TBC1D16: variants seen among roughly 807,000 people sequenced by gnomAD.
TBC1D16 encodes the protein TBC1 domain family member 16.
Under a neutral mutation model 74.7 loss-of-function variants are expected in TBC1D16, and 58 were observed. The observed-to-expected ratio is 0.78, with a 90% CI of 0.63 to 0.97. TBC1D16 has a LOEUF of 0.97. Ranked by LOEUF, TBC1D16 falls within the 50% of genes least tolerant of loss-of-function variation. The pLI is 0.00. For synonymous variants in TBC1D16, 493 were observed against 474.7 expected (o/e 1.04, Z -0.50); for missense variants, 1,014 against 1,079.5 (o/e 0.94, Z 0.85).
intron 1 of TBC1D16, among the ~76,000 whole-genome samples, chr17:80,031,095 T>C (rs2036760321): frequency 6.6e-6 from 1 of 152,186 alleles, no homozygotes; most frequent in African/African-American, 2.4e-5. Context: ...CTACCCATCT[T>C]CCTGGGAACC....
chr17:79,984,620 T>TGAAGGAAGGAAGGAAGGAAGGAAGGAAG (rs71287518), intron 3 of TBC1D16, among the ~76,000 whole-genome samples: 4 of 122,390 alleles, frequency 3.3e-5, no homozygotes, highest in East Asian at 2.3e-4. Context: ...AGGGAGGGAG[T>TGAAGGAAGGAAGGAAGGAAGGAAGGAAG]GAAGGAAGGA....
chr17:80,003,392 C>A (rs2035563412), intron 3 of TBC1D16, among the ~76,000 whole-genome samples: 1 of 152,218 alleles, frequency 6.6e-6, no homozygotes, highest in Admixed American at 6.5e-5. Context: ...ACGAAACACT[C>A]ACTTCCCCAG....
chr17:79,969,613 C>A (rs1291591129), intron 3 of TBC1D16, among the ~76,000 whole-genome samples: 1 of 152,088 alleles, frequency 6.6e-6, no homozygotes, highest in African/African-American at 2.4e-5. Flanking sequence ...TAACATTTGA[C>A]CAAGTAATTC....
chr17:80,033,107 A>C (rs1302551189), intron 1 of TBC1D16, among the ~76,000 whole-genome samples: 1 of 152,198 alleles, frequency 6.6e-6, no homozygotes, highest in Non-Finnish European at 1.5e-5. Context: ...AAAGCACAAA[A>C]ACAAAATGTT....
At chr17:80,029,119 A>G (rs2036687693) in intron 1 of TBC1D16, among the ~76,000 whole-genome samples, 1 of 152,200 alleles carries the variant, frequency 6.6e-6, no homozygotes, top group Non-Finnish European at 1.5e-5. Context: ...CTCTTTAAGA[A>G]TTAGAGCACC....
chr17:79,957,209 G>A (rs998472723), intron 3 of TBC1D16, among the ~76,000 whole-genome samples: 3 of 152,198 alleles, frequency 2.0e-5, no homozygotes, highest in Non-Finnish European at 2.9e-5. Flanking sequence ...GCTGTGATGG[G>A]AGAGGAGGCT....
rs2031883497 is a variant in TBC1D16 at position 79,940,531 on chromosome 17, G to C, written c.*328C>G. 1 of 230,360 alleles carries C rather than the reference G, an allele frequency of 4.3e-6. No homozygotes were observed. Among genetic ancestry groups the C allele is most frequent in the Non-Finnish European group, 8.4e-6 (1 of 118,710 alleles). The allele number at this position is 230,360 out of a possible 1,614,324, so 14.3% of individuals were successfully genotyped here. A position where few individuals can be genotyped will look rare whatever the true frequency, so the allele number is the denominator to read the frequency against. ...GGCGACGCTGTCTGGCTGCCCTCGA[G>C]GGTGGAGCAAATCCTGGGACATGTT... On this transcript the variant is annotated 3_prime_UTR_variant, in exon 12 of 12. Coordinates refer to ENST00000310924, the MANE Select transcript of TBC1D16 (RefSeq NM_019020.4). This position sits in a 1 kb window ranked among gnomAD's most constrained non-coding sequence, Gnocchi z 5.4.
chr17:80,005,373 G>A (rs2035636535), intron 3 of TBC1D16, among the ~76,000 whole-genome samples: 1 of 152,192 alleles, frequency 6.6e-6, no homozygotes, highest in Admixed American at 6.5e-5. Context: ...CAGCCCCATG[G>A]CGCCCCGTTA....
Position 79,985,200 on chromosome 17 carries a change from C to T in TBC1D16, c.779+24960G>A, listed in dbSNP as rs2034785672. On this transcript the variant is annotated intron_variant, in intron 3 of 11. Transcript: ENST00000310924. The surrounding 1 kb of genome is among the most constrained non-coding windows in gnomAD (Gnocchi z 4.9). ...TGCAGCAGCATCACTCCCATCTCTG[C>T]CTCCATCTCCCTGCCCCTCCTGTGT... Among the ~76,000 whole-genome samples, 1 of 152,152 alleles carries T rather than the reference C, an allele frequency of 6.6e-6. No homozygotes were observed. The highest frequency in any genetic ancestry group is 2.4e-5 in the African/African-American group (1 of 41,428).
intron 3 of TBC1D16, among the ~76,000 whole-genome samples, chr17:79,997,048 T>C (rs2035299767): frequency 6.6e-6 from 1 of 152,242 alleles, no homozygotes; most frequent in African/African-American, 2.4e-5. Context: ...GCTGACATCA[T>C]GCAGGGTTCC....
chr17:79,964,521 G>T (rs777966584), intron 3 of TBC1D16, among the ~76,000 whole-genome samples: 3 of 152,068 alleles, frequency 2.0e-5, no homozygotes, highest in Non-Finnish European at 4.4e-5. Context: ...TAAGACATTG[G>T]GGGGACACGA....
intron 3 of TBC1D16, among the ~76,000 whole-genome samples, chr17:79,957,062 G>A (rs564041415): frequency 6.6e-5 from 10 of 152,290 alleles, no homozygotes; most frequent in Non-Finnish European, 1.0e-4. Flanking sequence ...CTGCCAAAGC[G>A]AGTCTCTGTG....
At chr17:80,013,323 A>T in intron 2 of TBC1D16, 44 bp downstream of exon 2, 1 of 1,548,504 alleles carries the variant, frequency 6.5e-7, no homozygotes, top group Non-Finnish European at 8.7e-7. Flanking sequence ...CTCGGAAAAT[A>T]ACCTGGGCTG....
intron 8 of TBC1D16, among the ~76,000 whole-genome samples, chr17:79,948,572 G>T (rs2032761050): frequency 6.6e-6 from 1 of 152,114 alleles, no homozygotes; most frequent in Non-Finnish European, 1.5e-5. Flanking sequence ...AGATGGAGGG[G>T]GTGCATGGGG....
rs1011889144 is a variant in TBC1D16, at chr17:79,940,971, C to G, written c.2192G>C (p.Gly731Ala). 2.7e-5 allele frequency: 44 copies of G among 1,605,834 alleles called. No homozygotes were observed. Among genetic ancestry groups the G allele is most frequent in the Non-Finnish European group, 3.7e-5 (43 of 1,176,928 alleles). Reference protein sequence around the residue: ...PAVECTGHHPGSESCPYGGTV... With the variant: ...PAVECTGHHPASESCPYGGTV... ...GCCCCCGTAGGGACAGCTCTCCGAG[C>G]CGGGATGGTGGCCGGTGCACTCCAC... is the stretch of plus-strand genomic sequence containing the variant. The change falls in exon 12 of 12, where the codon GGC becomes GCC. Residue 731 changes from glycine to alanine, a missense_variant. By Grantham distance (60) the Gly-to-Ala change is moderately conservative. Coordinates refer to ENST00000310924, the MANE Select transcript of TBC1D16 (RefSeq NM_019020.4). This position sits in a 1 kb window ranked among gnomAD's most constrained non-coding sequence, Gnocchi z 5.4.
At position 79,947,747 on chromosome 17, in the gene TBC1D16, G is replaced by C. The variant is rs372322428; in HGVS notation, c.1626C>G (p.Ala542=). Reference sequence around the variant, plus strand: ...AGGTGTCTGACTCATCCAGGACCTCGGCCAAGATGGGCGCCACCAGGTCCG... The same window carrying C: ...AGGTGTCTGACTCATCCAGGACCTCCGCCAAGATGGGCGCCACCAGGTCCG... ...GMSDLVAPIL[A]EVLDESDTFW... is the part of the protein sequence containing the mutation. Residue 542 remains alanine (A), a synonymous_variant, in exon 9 of 12, where the codon GCC becomes GCG. Coordinates refer to ENST00000310924, the MANE Select transcript of TBC1D16 (RefSeq NM_019020.4). 3 of 1,613,998 alleles carry C rather than the reference G, an allele frequency of 1.9e-6. No homozygotes were observed. The highest frequency in any genetic ancestry group is 2.5e-6 in the Non-Finnish European group (3 of 1,180,010).
In TBC1D16 at chr17:80,001,141, A is replaced by G. The variant is rs1269058689; in HGVS notation, c.779+9019T>C. Among the ~76,000 whole-genome samples, 3 of 152,234 alleles carry G rather than the reference A, an allele frequency of 2.0e-5. No individual in the cohort carries two copies. Among genetic ancestry groups the G allele is most frequent in the African/African-American group, 4.8e-5 (2 of 41,468 alleles). On this transcript the variant is annotated intron_variant, in intron 3 of 11. Transcript: ENST00000310924. The surrounding 1 kb of genome is among the most constrained non-coding windows in gnomAD (Gnocchi z 5.8). ...CCATTTCTAGACTGACTATGGCCAC[A>G]TGCCAGTTCATGGGGCTCTGACCAG...
chr17:79,977,979 C>G (rs1481518720), intron 3 of TBC1D16, among the ~76,000 whole-genome samples: 1 of 152,218 alleles, frequency 6.6e-6, no homozygotes, highest in Non-Finnish European at 1.5e-5. Context: ...GAGGGGGGCC[C>G]ACGGGAAGCT....
In TBC1D16 at chr17:79,941,214, C is replaced by T. The variant is rs2031949118; in HGVS notation, c.2056-107G>A. 1.8e-6 allele frequency: 2 copies of T among 1,126,082 alleles called. No homozygotes were observed. Among genetic ancestry groups the T allele is most frequent in the Non-Finnish European group, 2.5e-6 (2 of 801,846 alleles). The allele number at this position is 1,126,082 out of a possible 1,614,324, so 69.8% of individuals were successfully genotyped here. On this transcript the variant is annotated intron_variant, in intron 11 of 11. Transcript: ENST00000310924. This position sits in a 1 kb window ranked among gnomAD's most constrained non-coding sequence, Gnocchi z 4.3. ...GCAACAGCAGCAACAACGGCCTGCA[C>T]CTCGGGGGCTCACCGAGTCCTGGAC...
Sources: allele counts gnomAD v4.1 joint callset (sites outside exome capture counted in the v4.1 genomes callset), GRCh38; gene constraint gnomAD v4.1.1; non-coding constraint Gnocchi (gnomAD v3.1); transcripts MANE v1.5; gene names NCBI Gene and HGNC (gene_info 2026-07-23, HGNC 2026-07-21).